The following OR10H5 variants were observed in gnomAD, a reference collection of about 807,000 sequenced individuals.
OR10H5 encodes olfactory receptor family 10 subfamily H member 5, also known as olfactory receptor 10H5.
OR10H5 carries 7 observed loss-of-function variants against 12.2 expected under a neutral mutation model. The observed-to-expected ratio is 0.57, with a 90% CI of 0.33 to 1.07. The LOEUF (loss-of-function observed/expected upper bound fraction) is 1.07. Among genes scored for constraint, OR10H5 ranks in the 50% least tolerant of loss-of-function variants. The pLI, the probability that OR10H5 is intolerant of heterozygous loss-of-function variation, is 0.04. For synonymous variants in OR10H5, 159 were observed against 175.1 expected (o/e 0.91, Z 0.73); for missense variants, 346 against 411.6 (o/e 0.84, Z 1.38).
chr19:15,794,572 A>G lies in OR10H5; in HGVS notation c.524A>G (p.His175Arg). The G allele has an allele frequency of 6.2e-7, 1 of 1,614,182 alleles. No homozygotes were observed. Among genetic ancestry groups the G allele is most frequent in the Non-Finnish European group, 8.5e-7 (1 of 1,180,046 alleles). Residue 175 changes from histidine to arginine, a missense_variant, in exon 2 of 2, where the codon CAC becomes CGC. Transcript: ENST00000642092. ...HLAFCGHKEIHHFFCHVPPLL... is the reference protein window; with the variant it reads ...HLAFCGHKEIRHFFCHVPPLL... The stretch of plus-strand genomic sequence containing the variant: ...GCCTTCTGTGGACACAAGGAGATCC[A>G]CCATTTCTTCTGCCACGTGCCACCT...
At chr19:15,789,112 T>G (rs777458570) in intron 1 of OR10H5, among the ~76,000 whole-genome samples, 3 of 151,992 alleles carry the variant, frequency 2.0e-5, no homozygotes, top group African/African-American at 7.3e-5. Flanking sequence ...TGAATGAACA[T>G]GAGTTTTGGA....
chr19:15,798,088 T>C lies in OR10H5; in HGVS notation c.*3092T>C, dbSNP rs909798849. 2 of 150,120 alleles carry C rather than the reference T, an allele frequency of 1.3e-5. No individual in the cohort carries two copies. Among genetic ancestry groups the C allele is most frequent in the Non-Finnish European group, 3.0e-5 (2 of 67,794 alleles). 9.3% of individuals were successfully genotyped at this position (150,120 alleles called of 1,614,324 possible). On this transcript the variant is annotated 3_prime_UTR_variant, in exon 2 of 2. Transcript: ENST00000642092. ...AAAAAAGCATAAACGTAATTTATCT[T>C]GATTGCTGAATTTTTTGATGGCCCC... is the stretch of plus-strand genomic sequence containing the variant.
In OR10H5 at chr19:15,794,267, C is replaced by T. The variant is rs2088825237; in HGVS notation, c.219C>T (p.Tyr73=). Residue 73 remains tyrosine, a synonymous_variant, in exon 2 of 2, where the codon TAC becomes TAT. Transcript: ENST00000642092. ...LCALSITEIL[Y]TVAIIPRMLA... is the part of the protein sequence containing the mutation. ...CCCTCTCCATCACCGAGATCCTCTA[C>T]ACCGTGGCCATCATCCCGCGCATGC... 6.2e-7 allele frequency: 1 copy of T among 1,614,182 alleles called. No individual in the cohort carries two copies.
intron 1 of OR10H5, among the ~76,000 whole-genome samples, chr19:15,788,944 C>T (rs141496391): frequency 2.9e-4 from 44 of 152,280 alleles, no homozygotes; most frequent in African/African-American, 9.9e-4. Flanking sequence ...CAAATGTGTG[C>T]CATGGTGCTT....
At position 15,795,129 on chromosome 19, in the gene OR10H5, C is replaced by T. The variant is rs1384703408; in HGVS notation, c.*133C>T. On this transcript the variant is annotated 3_prime_UTR_variant, in exon 2 of 2. Coordinates refer to ENST00000642092, the MANE Select transcript of OR10H5 (RefSeq NM_001004466.2). ...TTCCTTCTTTCCTTCCTCCCTCCCTCCTTTCCTCCCTCCTTCTCTGACCTA... is the reference window on the plus strand; with the variant it reads ...TTCCTTCTTTCCTTCCTCCCTCCCTTCTTTCCTCCCTCCTTCTCTGACCTA... The T allele has an allele frequency of 1.9e-5, 15 of 770,720 alleles. No individual in the cohort carries two copies. Among genetic ancestry groups the T allele is most frequent in the Non-Finnish European group, 2.8e-5 (14 of 499,468 alleles). The allele number at this position is 770,720 out of a possible 1,614,324, so 47.7% of individuals were successfully genotyped here.
In OR10H5 at chr19:15,797,281, AC is replaced by A. The variant is rs2088844403; in HGVS notation, c.*2288del. On this transcript the variant is annotated 3_prime_UTR_variant, in exon 2 of 2. Coordinates refer to ENST00000642092, the MANE Select transcript of OR10H5 (RefSeq NM_001004466.2). ...GTTGTCATGGAAAAGAGAATGTTAT[AC>A]CCTGTTTATACCCCACGTGTCCTGG... is the stretch of plus-strand genomic sequence containing the variant. 1 of 152,110 alleles carries A rather than the reference AC, an allele frequency of 6.6e-6. No homozygotes were observed. Among genetic ancestry groups the A allele is most frequent in the Non-Finnish European group, 1.5e-5 (1 of 68,024 alleles). The allele number at this position is 152,110 out of a possible 1,614,324, so 9.4% of individuals were successfully genotyped here.
In OR10H5 at chr19:15,798,521, C is replaced by G. The variant is rs2088852011; in HGVS notation, c.*3525C>G. 6.6e-6 allele frequency: 1 copy of G among 152,304 alleles called. No homozygotes were observed. Among genetic ancestry groups the G allele is most frequent in the Admixed American group, 6.5e-5 (1 of 15,284 alleles). The allele number at this position is 152,304 out of a possible 1,614,324, so 9.4% of individuals were successfully genotyped here. ...GCAGGAGATCCCAGGCTTCAGGGAC[C>G]TGCTCCCTGAGTTCCTTGGAGCCCA... is the stretch of plus-strand genomic sequence containing the variant. On this transcript the variant is annotated 3_prime_UTR_variant, in exon 2 of 2. Coordinates refer to ENST00000642092, the MANE Select transcript of OR10H5 (RefSeq NM_001004466.2).
At position 15,797,480 on chromosome 19, in the gene OR10H5, G is replaced by C. The variant is rs1464130914; in HGVS notation, c.*2484G>C. On this transcript the variant is annotated 3_prime_UTR_variant, in exon 2 of 2. Transcript: ENST00000642092. ...CCGTGGTGATCAGAAAAGCGAGCCA[G>C]CTTGCTGTAGTTTGGTTGACCAATG... is the stretch of plus-strand genomic sequence containing the variant. 1.3e-5 allele frequency: 2 copies of C among 152,186 alleles called. No individual in the cohort carries two copies. Among genetic ancestry groups the C allele is most frequent in the Non-Finnish European group, 2.9e-5 (2 of 68,032 alleles). 9.4% of individuals were successfully genotyped at this position (152,186 alleles called of 1,614,324 possible).
intron 1 of OR10H5, among the ~76,000 whole-genome samples, chr19:15,790,132 C>A (rs1165261026): frequency 6.6e-6 from 1 of 152,038 alleles, no homozygotes; most frequent in Non-Finnish European, 1.5e-5. Flanking sequence ...GGAGCAGGGA[C>A]CTTGGAGCCT....
chr19:15,790,811 A>T (rs184785203), intron 1 of OR10H5, among the ~76,000 whole-genome samples: 2 of 152,270 alleles, frequency 1.3e-5, no homozygotes, highest in Admixed American at 6.5e-5. Flanking sequence ...TCCAGGTGGT[A>T]TTCTGAGTCC....
chr19:15,795,211 T>TCCCTCCCC lies in OR10H5; in HGVS notation c.*217_*224dup. On this transcript the variant is annotated 3_prime_UTR_variant, in exon 2 of 2. Transcript: ENST00000642092. ...CTTCCTTCCATCCTTCCTCCCTCCCTCCCTCCCCCTTCCTTCTTCTCTGCC... is the reference window on the plus strand; with the variant it reads ...CTTCCTTCCATCCTTCCTCCCTCCCTCCCTCCCCCCCTCCCCCTTCCTTCTTCTCTGCC... 2.2e-6 allele frequency: 1 copy of TCCCTCCCC among 455,276 alleles called. No homozygotes were observed. Among genetic ancestry groups the TCCCTCCCC allele is most frequent in the Non-Finnish European group, 3.8e-6 (1 of 264,996 alleles). 28.2% of individuals were successfully genotyped at this position (455,276 alleles called of 1,614,324 possible).
rs1203694722 is a variant in OR10H5 at position 15,800,251 on chromosome 19, A to G, written c.*5255A>G. The G allele has an allele frequency of 6.6e-6, 1 of 152,168 alleles. No homozygotes were observed. The highest frequency in any genetic ancestry group is 2.4e-5 in the African/African-American group (1 of 41,438). 9.4% of individuals were successfully genotyped at this position (152,168 alleles called of 1,614,324 possible). ...ATGTCTTCCTCTTTCTAGGGCAGAC[A>G]TTGAGATCGGGATGTCTTATCTAAT... On this transcript the variant is annotated 3_prime_UTR_variant, in exon 2 of 2. Coordinates refer to ENST00000642092, the MANE Select transcript of OR10H5 (RefSeq NM_001004466.2).
Position 15,799,282 on chromosome 19 carries a change from T to C in OR10H5, c.*4286T>C, listed in dbSNP as rs2088855940. Reference sequence around the variant, plus strand: ...CCCAGGAACCTTGCATCTACTCTTTTTTTTTTCTTCAGAGATTGGGGCATG... The same window carrying C: ...CCCAGGAACCTTGCATCTACTCTTTCTTTTTTCTTCAGAGATTGGGGCATG... On this transcript the variant is annotated 3_prime_UTR_variant, in exon 2 of 2. Transcript: ENST00000642092. 6.6e-6 allele frequency: 1 copy of C among 152,152 alleles called. No homozygotes were observed. Among genetic ancestry groups the C allele is most frequent in the Admixed American group, 6.5e-5 (1 of 15,274 alleles). 9.4% of individuals were successfully genotyped at this position (152,152 alleles called of 1,614,324 possible).
At chr19:15,793,512 T>C (rs1203450099) in intron 1 of OR10H5, among the ~76,000 whole-genome samples, 1 of 151,966 alleles carries the variant, frequency 6.6e-6, no homozygotes, top group Non-Finnish European at 1.5e-5. Flanking sequence ...GACCCCCCTC[T>C]GCCTCCGCCT....
intron 1 of OR10H5, among the ~76,000 whole-genome samples, chr19:15,792,172 C>A (rs182297256): frequency 6.6e-6 from 1 of 152,230 alleles, no homozygotes; most frequent in Non-Finnish European, 1.5e-5. Flanking sequence ...GGGCACAATT[C>A]ATTTCATTTA....
In OR10H5 at chr19:15,796,656, T is replaced by G. The variant is rs2144931322; in HGVS notation, c.*1660T>G. On this transcript the variant is annotated 3_prime_UTR_variant, in exon 2 of 2. Transcript: ENST00000642092. The stretch of plus-strand genomic sequence containing the variant: ...CTGTAGTACCAGCTACTCAAGAGGC[T>G]GAGGTGGGAGGATCACTTGAGCCCA... The G allele has an allele frequency of 6.6e-6, 1 of 152,202 alleles. No homozygotes were observed. Among genetic ancestry groups the G allele is most frequent in the South Asian group, 2.1e-4 (1 of 4,812 alleles). 9.4% of individuals were successfully genotyped at this position (152,202 alleles called of 1,614,324 possible).
intron 1 of OR10H5, among the ~76,000 whole-genome samples, chr19:15,788,948 G>A (rs1318188463): frequency 2.0e-5 from 3 of 152,130 alleles, no homozygotes; most frequent in Non-Finnish European, 4.4e-5. Context: ...TGTGTGCCAT[G>A]GTGCTTTGCT....
At chr19:15,791,733 C>A (rs539805766) in intron 1 of OR10H5, among the ~76,000 whole-genome samples, 46 of 151,488 alleles carry the variant, frequency 3.0e-4, no homozygotes, top group Admixed American at 1.1e-3. Context: ...CGCTCTGTGG[C>A]CCAGGCTGGA....
At chr19:15,789,242 G>GA (rs1279699348) in intron 1 of OR10H5, among the ~76,000 whole-genome samples, 1 of 152,222 alleles carries the variant, frequency 6.6e-6, no homozygotes, top group African/African-American at 2.4e-5. Flanking sequence ...TGTGCAGAAT[G>GA]AGTGGTGGTG....
Sources: allele counts gnomAD v4.1 joint callset (sites outside exome capture counted in the v4.1 genomes callset), GRCh38; gene constraint gnomAD v4.1.1; transcripts MANE v1.5; gene names NCBI Gene and HGNC (gene_info 2026-07-23, HGNC 2026-07-21).